HDGFL3: variants seen among roughly 807,000 people sequenced by gnomAD.
The protein encoded by HDGFL3 is HDGF like 3.
Under a neutral mutation model 27.6 loss-of-function variants are expected in HDGFL3, and 6 were observed. That is an observed-to-expected ratio of 0.22 (90% CI 0.12 to 0.43). The LOEUF (loss-of-function observed/expected upper bound fraction) is 0.43, where lower values mean the gene tolerates loss of function less well. HDGFL3 is among the 20% of genes least tolerant of loss of function. The pLI, the probability that HDGFL3 is intolerant of heterozygous loss-of-function variation, is 1.00. For missense variants in HDGFL3, 207 were observed against 250.1 expected (o/e 0.83, Z 1.16); for synonymous variants, 88 against 88.9 (o/e 0.99, Z 0.05).
At chr15:83,202,559 A>G (rs932524534) in intron 1 of HDGFL3, among the ~76,000 whole-genome samples, 3 of 152,174 alleles carry the variant, frequency 2.0e-5, no homozygotes, top group African/African-American at 7.2e-5. Context: ...GAAGGAAAAA[A>G]AACAACTCAC....
downstream of HDGFL3, chr15:83,126,733 A>G (rs2035784768): frequency 5.0e-6 from 8 of 1,585,910 alleles, no homozygotes; most frequent in Non-Finnish European, 6.0e-6. Flanking sequence ...TATTTTTATA[A>G]TGAGTTTATT....
chr15:83,141,505 G>GT (rs972951966), intron 5 of HDGFL3, among the ~76,000 whole-genome samples: 1 of 152,184 alleles, frequency 6.6e-6, no homozygotes, highest in Admixed American at 6.5e-5. Flanking sequence ...AAAAACAACT[G>GT]TTTTTTGCCA....
At chr15:83,193,271 T>G (rs1234673153) in intron 1 of HDGFL3, among the ~76,000 whole-genome samples, 1 of 151,962 alleles carries the variant, frequency 6.6e-6, no homozygotes, top group Non-Finnish European at 1.5e-5. Flanking sequence ...AAAAAATGGG[T>G]GAAGGACAAT....
At chr15:83,190,734 A>C (rs995568818) in intron 1 of HDGFL3, among the ~76,000 whole-genome samples, 3 of 152,264 alleles carry the variant, frequency 2.0e-5, no homozygotes, top group Admixed American at 2.0e-4. Context: ...CAATTTCATT[A>C]TAGAGTTTTT....
chr15:83,178,817 C>T (rs1298938612), intron 1 of HDGFL3, among the ~76,000 whole-genome samples: 1 of 152,130 alleles, frequency 6.6e-6, no homozygotes, highest in Non-Finnish European at 1.5e-5. Flanking sequence ...TACGTTAAAT[C>T]AGTGATTAAT....
chr15:83,151,260 G>A lies in HDGFL3; in HGVS notation c.561C>T (p.Asn187=), dbSNP rs750582778. The stretch of plus-strand genomic sequence containing the variant: ...AGTCTGAAGTTGTGTTTCTTGTGTC[G>A]TTGCCCGCATCTCCACCCTCAGAGC... ...KSSSEGGDAG[N]DTRNTTSDLQ... is the part of the protein sequence containing the mutation. Residue 187 remains asparagine, a synonymous_variant, in exon 5 of 6, where the codon AAC becomes AAT. Transcript: ENST00000299633. 6.0e-5 allele frequency: 97 copies of A among 1,612,988 alleles called. 1 individual carries two copies. Among genetic ancestry groups the A allele is most frequent in the Middle Eastern group, 1.8e-4 (1 of 5,622 alleles).
chr15:83,166,125 A>T (rs2037169230), intron 1 of HDGFL3, among the ~76,000 whole-genome samples: 1 of 152,148 alleles, frequency 6.6e-6, no homozygotes, highest in African/African-American at 2.4e-5. Context: ...TACTATACAA[A>T]ATGAACATCA....
chr15:83,165,152 C>T (rs2037154115), intron 1 of HDGFL3, among the ~76,000 whole-genome samples: 1 of 152,162 alleles, frequency 6.6e-6, no homozygotes, highest in South Asian at 2.1e-4. Flanking sequence ...TGACAACTCC[C>T]AGCATTCACA....
Position 83,130,316 on chromosome 15 carries a change from T to G in HDGFL3, c.*8954A>C, listed in dbSNP as rs1179756058. On this transcript the variant is annotated 3_prime_UTR_variant, in exon 6 of 6. Transcript: ENST00000299633. ...CCTAATCTGTTGGTGAAGCTAAGCT[T>G]GCAGGTGGGCACTTATTACTCCAGC... 1 of 152,414 alleles carries G rather than the reference T, an allele frequency of 6.6e-6. No individual in the cohort carries two copies. The highest frequency in any genetic ancestry group is 1.5e-5 in the Non-Finnish European group (1 of 68,184). The allele number at this position is 152,414 out of a possible 1,614,324, so 9.4% of individuals were successfully genotyped here. A position where few individuals can be genotyped will look rare whatever the true frequency, so the allele number is the denominator to read the frequency against.
At chr15:83,158,451 A>G (rs577084861) in intron 2 of HDGFL3, among the ~76,000 whole-genome samples, 1 of 152,332 alleles carries the variant, frequency 6.6e-6, no homozygotes, top group Non-Finnish European at 1.5e-5. Context: ...GCTAGAATAA[A>G]AAAAAGATTT....
At position 83,207,556 on chromosome 15, in the gene HDGFL3, G is replaced by A; in HGVS notation, c.-142C>T. 2 of 541,512 alleles carry A rather than the reference G, an allele frequency of 3.7e-6. No homozygotes were observed. The highest frequency in any genetic ancestry group is 5.5e-6 in the Non-Finnish European group (2 of 364,080). The allele number at this position is 541,512 out of a possible 1,614,324, so 33.5% of individuals were successfully genotyped here. On this transcript the variant is annotated 5_prime_UTR_variant, in exon 1 of 6. Transcript: ENST00000299633. The surrounding 1 kb of genome is among the most constrained non-coding windows in gnomAD (Gnocchi z 4.8). Reference sequence around the variant, plus strand: ...GCGGCCGCTCCGACGAGGGGAAGCGGCGAGGCGGCGGCTGAGGCAAGGGGT... The same window carrying A: ...GCGGCCGCTCCGACGAGGGGAAGCGACGAGGCGGCGGCTGAGGCAAGGGGT...
In HDGFL3 at chr15:83,133,407, T is replaced by G. The variant is rs2036391645; in HGVS notation, c.*5863A>C. 1 of 152,244 alleles carries G rather than the reference T, an allele frequency of 6.6e-6. No homozygotes were observed. Among genetic ancestry groups the G allele is most frequent in the South Asian group, 2.1e-4 (1 of 4,834 alleles). The allele number at this position is 152,244 out of a possible 1,614,324, so 9.4% of individuals were successfully genotyped here. A position where few individuals can be genotyped will look rare whatever the true frequency, so the allele number is the denominator to read the frequency against. On this transcript the variant is annotated 3_prime_UTR_variant, in exon 6 of 6. Transcript: ENST00000299633. ...CCTTTACAGATTGTCTCTATACATG[T>G]AAGAAAACAGCTCTTAAAATTTAAC...
chr15:83,187,377 C>G (rs922554337), intron 1 of HDGFL3, among the ~76,000 whole-genome samples: 3 of 148,574 alleles, frequency 2.0e-5, no homozygotes, highest in Admixed American at 6.6e-5. Flanking sequence ...CTGTGTGTGT[C>G]TCTCTCTCAA....
chr15:83,124,881 C>A (rs2151371729), downstream of HDGFL3: 1 of 958,794 alleles, frequency 1.0e-6, no homozygotes, highest in Non-Finnish European at 1.6e-6. Flanking sequence ...GACTTCTTAG[C>A]AAACTAACAA....
At chr15:83,180,697 A>C (rs532820550) in intron 1 of HDGFL3, 31 of 148,340 alleles carry the variant, frequency 2.1e-4, no homozygotes, top group African/African-American at 5.8e-4. Context: ...CCAGGCTGGA[A>C]TGGAGTGGCA....
intron 1 of HDGFL3, among the ~76,000 whole-genome samples, chr15:83,170,746 GC>G: frequency 6.6e-6 from 1 of 151,934 alleles, no homozygotes; most frequent in South Asian, 2.1e-4. Context: ...AAGAGCTTCT[GC>G]ACAGCAAAAG....
chr15:83,187,118 A>C (rs1437593677), intron 1 of HDGFL3, among the ~76,000 whole-genome samples: 1 of 151,416 alleles, frequency 6.6e-6, no homozygotes. Flanking sequence ...ATTTTACATA[A>C]ATGGGCTGTA....
intron 3 of HDGFL3, 83 bp from the exon 4 acceptor site, chr15:83,157,656 ATTTG>A: frequency 7.6e-7 from 1 of 1,320,896 alleles, no homozygotes; most frequent in South Asian, 1.3e-5. Context: ...CTCTGTTTTC[ATTTG>A]AAAGGGTTCC....
At chr15:83,200,390 T>C (rs1044603769) in intron 1 of HDGFL3, among the ~76,000 whole-genome samples, 1 of 150,686 alleles carries the variant, frequency 6.6e-6, no homozygotes, top group South Asian at 2.1e-4. Flanking sequence ...GAAATCAAGA[T>C]GGGTAACAAT....
Sources: allele counts gnomAD v4.1 joint callset (sites outside exome capture counted in the v4.1 genomes callset), GRCh38; gene constraint gnomAD v4.1.1; non-coding constraint Gnocchi (gnomAD v3.1); transcripts MANE v1.5; gene names NCBI Gene and HGNC (gene_info 2026-07-23, HGNC 2026-07-21).